POLRMT: variants seen among roughly 807,000 people sequenced by gnomAD.
POLRMT encodes DNA-directed RNA polymerase, mitochondrial.
Under a neutral mutation model 132.2 loss-of-function variants are expected in POLRMT, and 114 were observed. That is an observed-to-expected ratio of 0.86 (90% CI 0.74 to 1.01). The LOEUF (loss-of-function observed/expected upper bound fraction) is 1.01, where lower values mean the gene tolerates loss of function less well. Among genes scored for constraint, POLRMT ranks in the 50% least tolerant of loss-of-function variants. The pLI, the probability that POLRMT is intolerant of heterozygous loss-of-function variation, is 0.00. For missense variants in POLRMT, 2,003 were observed against 1,729.1 expected, an observed-to-expected ratio of 1.16 and a Z score of -2.81; for synonymous variants, 1,020 against 773.4, an observed-to-expected ratio of 1.32 and a Z score of -5.29.
At chr19:619,896 G>T in intron 12 of POLRMT, 62 bp downstream of exon 12, 2 of 1,593,486 alleles carry the variant, frequency 1.3e-6, no homozygotes, top group South Asian at 1.1e-5. Context: ...ACCTGGGGCC[G>T]AGACTCAGGG....
rs760713694 is a variant in POLRMT at position 620,386 on chromosome 19, G to A, written c.2742C>T (p.Val914=). The A allele has an allele frequency of 1.5e-5, 24 of 1,580,302 alleles. No individual in the cohort carries two copies. The highest frequency in any genetic ancestry group is 4.6e-5 in the South Asian group (4 of 86,624). ...TCACCTGATGGACGGGGAGGTGGGA[G>A]ACATAGGCGGCAGGGTCGGAGGCGC... The part of the protein sequence containing the change: ...AVRASDPAAY[V]SHLPVHQDGS... The change falls in exon 11 of 21, where the codon GTC becomes GTT. Residue 914 remains valine, a synonymous_variant. Transcript: ENST00000588649.
intron 11 of POLRMT, 99 bp from the exon 12 acceptor site, chr19:620,179 A>T (rs1046685397): frequency 6.7e-7 from 1 of 1,493,192 alleles, no homozygotes; most frequent in Non-Finnish European, 8.9e-7. Context: ...AGGGCCGTGC[A>T]CCCCCCAGCC....
rs1568375755 is a variant in POLRMT at position 619,359 on chromosome 19, C to T, written c.3067-63G>A. On this transcript the variant is annotated intron_variant, in intron 13 of 20. Transcript: ENST00000588649. ...CTGGCCCGTTCACGCCCTACTCCCC[C>T]CTATTTCAGAGCCACTGAGGCCCAA... 1.6e-5 allele frequency: 25 copies of T among 1,549,302 alleles called. No individual in the cohort carries two copies. In the South Asian group the frequency reaches 1.7e-4, roughly 10 times the overall value.
chr19:619,215 T>C lies in POLRMT; in HGVS notation c.3148A>G (p.Ile1050Val). The change falls in exon 14 of 21, where the codon ATC becomes GTC. Residue 1050 changes from isoleucine to valine, a missense_variant. Transcript: ENST00000588649. ...LQEMFSGTRA[I>V]QHWLTESARL... ...GGGGACAGGACAGGACGTACCTGGA[T>C]GGCCCGGGTCCCCGAGAACATCTCC... 3 of 1,611,194 alleles carry C rather than the reference T, an allele frequency of 1.9e-6. No individual in the cohort carries two copies. The highest frequency in any genetic ancestry group is 1.1e-5 in the South Asian group (1 of 90,948).
rs751398736 is a variant in POLRMT at position 621,844 on chromosome 19, G to A, written c.1854C>T (p.Ile618=). The A allele has an allele frequency of 9.4e-6, 15 of 1,601,600 alleles. No individual in the cohort carries two copies. In the South Asian group the frequency reaches 1.2e-4, roughly 13 times the overall value. The change falls in exon 10 of 21, where the codon ATC becomes ATT. Residue 618 remains isoleucine (I), a splice_region_variant and synonymous_variant. Coordinates refer to ENST00000588649, the MANE Select transcript of POLRMT (RefSeq NM_005035.4). ...AGGCCGGGTGCGGCTTCAGGATGCCGATCTGGGGTGCGACAGGCAGACGGG... is the reference window on the plus strand; with the variant it reads ...AGGCCGGGTGCGGCTTCAGGATGCCAATCTGGGGTGCGACAGGCAGACGGG... The part of the protein sequence containing the change: ...HVYSFRNVQQ[I]GILKPHPAYV...
Position 625,233 on chromosome 19 carries a change from A to G in POLRMT, c.844T>C (p.Tyr282His). 6.2e-7 allele frequency: 1 copy of G among 1,613,946 alleles called. No individual in the cohort carries two copies. Among genetic ancestry groups the G allele is most frequent in the Non-Finnish European group, 8.5e-7 (1 of 1,179,934 alleles). The change falls in exon 4 of 21, where the codon TAT becomes CAT. Residue 282 changes from tyrosine to histidine, a missense_variant. By Grantham distance (83) the Tyr-to-His change is moderately conservative. Coordinates refer to ENST00000588649, the MANE Select transcript of POLRMT (RefSeq NM_005035.4). ...ARQGAFKELV[Y>H]VLFMVKDAGL... ...GCATCCTTCACCATGAATAACACATATACCAGCTCCTTGAAGGCACCCTGG... is the reference window on the plus strand; with the variant it reads ...GCATCCTTCACCATGAATAACACATGTACCAGCTCCTTGAAGGCACCCTGG...
At chr19:631,672 C>G (rs935368033) in intron 2 of POLRMT, among the ~76,000 whole-genome samples, 1 of 152,058 alleles carries the variant, frequency 6.6e-6, no homozygotes, top group Non-Finnish European at 1.5e-5. Flanking sequence ...AAAAGACAAG[C>G]GTGATGTCCG....
At chr19:623,632 G>C in intron 5 of POLRMT, 29 bp from the exon 6 acceptor site, 1 of 1,607,332 alleles carries the variant, frequency 6.2e-7, no homozygotes, top group Admixed American at 1.7e-5. Context: ...TGAGGTTGGG[G>C]GCTTGCCAGA....
At position 622,188 on chromosome 19, in the gene POLRMT, G is replaced by A. The variant is rs1007673337; in HGVS notation, c.1812C>T (p.Pro604=). ...GGAAGGAATACACGTGGTAGAGCAC[G>A]GGGACAAGCCGAGAGGAACGATGCG... is the stretch of plus-strand genomic sequence containing the variant. The part of the protein sequence containing the change: ...DKPHRSSRLV[P]VLYHVYSFRN... Residue 604 remains proline, a synonymous_variant, in exon 9 of 21, where the codon CCC becomes CCT. Coordinates refer to ENST00000588649, the MANE Select transcript of POLRMT (RefSeq NM_005035.4). 2 of 1,577,116 alleles carry A rather than the reference G, an allele frequency of 1.3e-6. No homozygotes were observed. Among genetic ancestry groups the A allele is most frequent in the South Asian group, 2.3e-5 (2 of 87,080 alleles).
intron 3 of POLRMT, among the ~76,000 whole-genome samples, chr19:627,084 G>GCT (rs1985075538): frequency 6.6e-6 from 1 of 151,222 alleles, no homozygotes; most frequent in Non-Finnish European, 1.5e-5. Flanking sequence ...TAGTCCTGCA[G>GCT]CTGAAGACAT....
Position 621,403 on chromosome 19 carries a change from G to A in POLRMT, c.2295C>T (p.Cys765=), listed in dbSNP as rs1337084233. 9.2e-6 allele frequency: 14 copies of A among 1,523,046 alleles called. No individual in the cohort carries two copies. The Admixed American group carries it at 1.2e-4, about 13-fold the overall frequency. The allele number at this position is 1,523,046 out of a possible 1,614,324, so 94.3% of individuals were successfully genotyped here. ...KAELRRELAH[C]QKVAREMHSL... Reference sequence around the variant, plus strand: ...TGTGCATCTCCCGGGCCACCTTCTGGCAGTGCGCCAGCTCACGGCGCAGCT... The same window carrying A: ...TGTGCATCTCCCGGGCCACCTTCTGACAGTGCGCCAGCTCACGGCGCAGCT... The change falls in exon 10 of 21, where the codon TGC becomes TGT. Residue 765 remains cysteine (C), a synonymous_variant. Transcript: ENST00000588649.
intron 11 of POLRMT, 27 bp from the exon 12 acceptor site, chr19:620,107 T>C (rs918529660): frequency 3.9e-6 from 6 of 1,534,724 alleles, no homozygotes; most frequent in South Asian, 3.6e-5. Context: ...AAACGGGAGA[T>C]GGAAGCTAGA....
Position 618,721 on chromosome 19 carries a change from TGTGG to T in POLRMT, c.3303_3306del (p.His1102ThrfsTer30). 6.2e-7 allele frequency: 1 copy of T among 1,607,824 alleles called. No individual in the cohort carries two copies. The highest frequency in any genetic ancestry group is 8.5e-7 in the Non-Finnish European group (1 of 1,177,516). ...CCCACTCACCGGCTGATGTCTCCGT[TGTGG>T]GTGTAGGTGATGCTCTGAATTCCAC... On this transcript the variant is annotated frameshift_variant, in exon 16 of 21. Coordinates refer to ENST00000588649, the MANE Select transcript of POLRMT (RefSeq NM_005035.4). LOFTEE classifies it high-confidence loss of function.
At chr19:631,467 G>A (rs1434201801) in intron 2 of POLRMT, among the ~76,000 whole-genome samples, 2 of 151,686 alleles carry the variant, frequency 1.3e-5, no homozygotes, top group Non-Finnish European at 2.9e-5. Flanking sequence ...GTGAAACCCC[G>A]TCCCTACTAA....
chr19:620,600 T>C (rs879041283), intron 10 of POLRMT, 113 bp from the exon 11 acceptor site: 69 of 1,288,070 alleles, frequency 5.4e-5, no homozygotes, highest in Middle Eastern at 2.1e-4. Flanking sequence ...CCCGTGATAG[T>C]GAACACGGGA....
rs1394800630 is a variant in POLRMT, at chr19:621,307, C to T, written c.2391G>A (p.Pro797=). 4.4e-6 allele frequency: 7 copies of T among 1,599,840 alleles called. No individual in the cohort carries two copies. The highest frequency in any genetic ancestry group is 2.1e-4 in the Middle Eastern group (1 of 4,690). The change falls in exon 10 of 21, where the codon CCG becomes CCA. Residue 797 remains proline, a synonymous_variant. Coordinates refer to ENST00000588649, the MANE Select transcript of POLRMT (RefSeq NM_005035.4). ...TGCGGCCGCGGAAGTCCATGTTGTG[C>T]GGCAGCCAGAAGACGCGGTCCCGCA... ...QHLRDRVFWL[P]HNMDFRGRTY...
rs756790270 is a variant in POLRMT, at chr19:621,392, G to T, written c.2306C>A (p.Ala769Asp). 2 of 1,535,182 alleles carry T rather than the reference G, an allele frequency of 1.3e-6. No homozygotes were observed. Among genetic ancestry groups the T allele is most frequent in the East Asian group, 2.4e-5 (1 of 41,242 alleles). The change falls in exon 10 of 21, where the codon GCC becomes GAC. Residue 769 changes from alanine (A) to aspartate (D), a missense_variant. By Grantham distance (126) the Ala-to-Asp change is moderately radical. Coordinates refer to ENST00000588649, the MANE Select transcript of POLRMT (RefSeq NM_005035.4). ...RRELAHCQKVAREMHSLRAEA... is the reference protein window; with the variant it reads ...RRELAHCQKVDREMHSLRAEA... ...CGCCCGCAGGCTGTGCATCTCCCGG[G>T]CCACCTTCTGGCAGTGCGCCAGCTC... is the stretch of plus-strand genomic sequence containing the variant.
Position 619,783 on chromosome 19 carries a change from C to T in POLRMT, c.2887-18G>A, listed in dbSNP as rs769972863. On this transcript the variant is annotated intron_variant, in intron 12 of 20. Transcript: ENST00000588649. ...ACCTCCACCTGCACGGCGGGTGGGC[C>T]GGGGGCGCGGGTCAGCCCCGCTAGC... 8.4e-6 allele frequency: 13 copies of T among 1,552,866 alleles called. No individual in the cohort carries two copies. Among genetic ancestry groups the T allele is most frequent in the East Asian group, 2.3e-5 (1 of 44,382 alleles).
At chr19:618,963 G>A (rs1486508966) in intron 15 of POLRMT, 34 bp downstream of exon 15, 3 of 1,497,498 alleles carry the variant, frequency 2.0e-6, no homozygotes, top group East Asian at 2.3e-5. Context: ...CTGGGATGGT[G>A]GCACACTGGG....
Sources: gnomAD v4.1 joint callset for allele counts (sites outside exome capture counted in the v4.1 genomes callset) on GRCh38, gnomAD v4.1.1 for gene constraint, MANE v1.5 for transcripts, NCBI Gene and HGNC (gene_info 2026-07-23, HGNC 2026-07-21) for gene names.